Variants in R3HCC1 observed in about 807,000 individuals in gnomAD.
R3HCC1 encodes the protein R3H and coiled-coil domain-containing protein 1.
A neutral mutation model predicts 40.0 loss-of-function variants in R3HCC1; 32 were observed. The ratio of observed to expected loss-of-function variants is 0.80; its 90% CI spans 0.60 to 1.07. The LOEUF is 1.07. Ranked by LOEUF, R3HCC1 falls within the 50% of genes least tolerant of loss-of-function variation. The pLI, the probability that R3HCC1 is intolerant of heterozygous loss-of-function variation, is 0.00. For synonymous variants in R3HCC1, 237 were observed against 232.8 expected, an observed-to-expected ratio of 1.02 and a Z score of -0.17; for missense variants, 586 against 563.3, an observed-to-expected ratio of 1.04 and a Z score of -0.41.
chr8:23,291,835 C>G (rs925980929), intron 5 of R3HCC1, among the ~76,000 whole-genome samples: 1 of 152,236 alleles, frequency 6.6e-6, no homozygotes, highest in African/African-American at 2.4e-5. Flanking sequence ...AGGGACATGG[C>G]AGCCTCCTCT....
At position 23,295,560 on chromosome 8, in the gene R3HCC1, G is replaced by C. The variant is rs149657968; in HGVS notation, c.1193-407G>C. On this transcript the variant is annotated intron_variant, in intron 7 of 7. Transcript: ENST00000265806. Reference sequence around the variant, plus strand: ...GCCTGCCGAGGCCAGCTGTGCTCTCGTGGGTGGTTACGTAGCCAACATGGT... The same window carrying C: ...GCCTGCCGAGGCCAGCTGTGCTCTCCTGGGTGGTTACGTAGCCAACATGGT... The C allele has an allele frequency of 1.0e-3, 485 of 463,236 alleles. 2 individuals carry two copies. The highest frequency in any genetic ancestry group is 8.8e-3 in the African/African-American group (443 of 50,348). 28.7% of individuals were successfully genotyped at this position (463,236 alleles called of 1,614,324 possible). A position where few individuals can be genotyped will look rare whatever the true frequency, so the allele number is the denominator to read the frequency against.
chr8:23,296,223 C>T lies in R3HCC1; in HGVS notation c.*126C>T, dbSNP rs1803016874. On this transcript the variant is annotated 3_prime_UTR_variant, in exon 8 of 8. Coordinates refer to ENST00000265806, the MANE Select transcript of R3HCC1 (RefSeq NM_001136108.3). Reference sequence around the variant, plus strand: ...GAGCTTCACCATGGGGTGTGGTGGGCTTTAGTTTAGTCCCAGAAATGGAGA... The same window carrying T: ...GAGCTTCACCATGGGGTGTGGTGGGTTTTAGTTTAGTCCCAGAAATGGAGA... 1 of 1,147,894 alleles carries T rather than the reference C, an allele frequency of 8.7e-7. No individual in the cohort carries two copies. Among genetic ancestry groups the T allele is most frequent in the South Asian group, 1.9e-5 (1 of 53,308 alleles). 71.1% of individuals were successfully genotyped at this position (1,147,894 alleles called of 1,614,324 possible).
chr8:23,288,142 G>T lies in R3HCC1; in HGVS notation c.-34G>T. On this transcript the variant is annotated 5_prime_UTR_variant, in exon 1 of 8. Transcript: ENST00000265806. ...TGGGGACGCCGAGGGCGGCTGCGAC[G>T]CGCCGAGAGGCCGCGGTGAGTGCAG... The T allele has an allele frequency of 1.6e-6, 2 of 1,249,508 alleles. No homozygotes were observed. The highest frequency in any genetic ancestry group is 2.1e-6 in the Non-Finnish European group (2 of 972,262). The allele number at this position is 1,249,508 out of a possible 1,614,324, so 77.4% of individuals were successfully genotyped here.
At chr8:23,295,395 C>G (rs1173190024) in intron 7 of R3HCC1, 1 of 450,368 alleles carries the variant, frequency 2.2e-6, no homozygotes. Context: ...GCCTGGAGCC[C>G]TGAGGGCACA....
At chr8:23,291,924 C>A (rs972621019) in intron 5 of R3HCC1, among the ~76,000 whole-genome samples, 4 of 152,222 alleles carry the variant, frequency 2.6e-5, no homozygotes, top group Non-Finnish European at 1.5e-5. Flanking sequence ...GGAACTGTTT[C>A]TAGGGTGCAC....
At chr8:23,290,797 T>TG (rs1178619145) in intron 4 of R3HCC1, among the ~76,000 whole-genome samples, 1 of 152,214 alleles carries the variant, frequency 6.6e-6, no homozygotes, top group Admixed American at 6.5e-5. Flanking sequence ...CATCGTCTTG[T>TG]GTTACGGATG....
At position 23,290,318 on chromosome 8, in the gene R3HCC1, T is replaced by G. The variant is rs1227994327; in HGVS notation, c.701T>G (p.Phe234Cys). The G allele has an allele frequency of 6.4e-7, 1 of 1,551,552 alleles. No individual in the cohort carries two copies. The highest frequency in any genetic ancestry group is 8.7e-7 in the Non-Finnish European group (1 of 1,146,986). ...GACATGGTGGAGATGGCCACACGGTTTGGGTCCACCCTGCAGCTAGACCTG... is the reference window on the plus strand; with the variant it reads ...GACATGGTGGAGATGGCCACACGGTGTGGGTCCACCCTGCAGCTAGACCTG... The change falls in exon 4 of 8, where the codon TTT becomes TGT. Residue 234 changes from phenylalanine to cysteine, a missense_variant. Physicochemically the swap from Phe to Cys is radical, Grantham distance 205 (BLOSUM62 -2). Transcript: ENST00000265806.
intron 7 of R3HCC1, 41 bp downstream of exon 7, chr8:23,294,905 GTGTGTGTGCGTGCGAGCA>G (rs1802960778): frequency 2.2e-6 from 3 of 1,375,132 alleles, no homozygotes; most frequent in Non-Finnish European, 3.0e-6. Context: ...GGCTGTGTGT[GTGTGTGTGCGTGCGAGCA>G]TGTGTGTGTG....
At chr8:23,290,550 G>A in intron 4 of R3HCC1, 81 bp downstream of exon 4, 1 of 1,440,176 alleles carries the variant, frequency 6.9e-7, no homozygotes, top group Non-Finnish European at 9.2e-7. Flanking sequence ...CAAGGGTTAT[G>A]GTGTGGAGAG....
chr8:23,291,790 C>T (rs1470191543), intron 5 of R3HCC1, among the ~76,000 whole-genome samples: 9 of 152,384 alleles, frequency 5.9e-5, no homozygotes. Flanking sequence ...TGGCCACACG[C>T]CTGCCAGGAT....
rs892189342 is a variant in R3HCC1 at position 23,288,257 on chromosome 8, G to A, written c.-19+100G>A. ...GCGGAGCAGGCCCCCGTGAGCCCCGGGAAGGAGCGCAGCGCAGGGTGTGGA... is the reference window on the plus strand; with the variant it reads ...GCGGAGCAGGCCCCCGTGAGCCCCGAGAAGGAGCGCAGCGCAGGGTGTGGA... On this transcript the variant is annotated intron_variant, in intron 1 of 7. Coordinates refer to ENST00000265806, the MANE Select transcript of R3HCC1 (RefSeq NM_001136108.3). 19 of 1,169,146 alleles carry A rather than the reference G, an allele frequency of 1.6e-5. No individual in the cohort carries two copies. In the African/African-American group the frequency reaches 2.7e-4, roughly 16 times the overall value. The allele number at this position is 1,169,146 out of a possible 1,614,324, so 72.4% of individuals were successfully genotyped here.
At chr8:23,288,351 G>C (rs1802785980) in intron 1 of R3HCC1, 155 bp from the exon 2 acceptor site, 3 of 1,201,138 alleles carry the variant, frequency 2.5e-6, no homozygotes, top group Non-Finnish European at 3.4e-6. Flanking sequence ...CCCCTTCCCT[G>C]ACCCCTGACT....
At chr8:23,293,221 C>T (rs73673359) in intron 5 of R3HCC1, 82 bp from the exon 6 acceptor site, 39,898 of 1,167,562 alleles carry the variant, frequency 0.034, 1,004 homozygotes, top group African/African-American at 0.093. Flanking sequence ...GGGCTGGAGG[C>T]GAGGGGGTGT....
At chr8:23,292,448 A>C (rs911161444) in intron 5 of R3HCC1, among the ~76,000 whole-genome samples, 1 of 152,122 alleles carries the variant, frequency 6.6e-6, no homozygotes, top group Non-Finnish European at 1.5e-5. Context: ...CTCTACTAAA[A>C]ATACAAAAAA....
chr8:23,288,404 G>C, intron 1 of R3HCC1, 102 bp from the exon 2 acceptor site: 1 of 1,466,840 alleles, frequency 6.8e-7, no homozygotes, highest in Non-Finnish European at 9.1e-7. Context: ...CCGAGCCTTG[G>C]ACCAGAGGGT....
Position 23,296,046 on chromosome 8 carries a change from C to G in R3HCC1, c.1272C>G (p.Leu424=), listed in dbSNP as rs1387702206. 7 of 1,550,662 alleles carry G rather than the reference C, an allele frequency of 4.5e-6. No individual in the cohort carries two copies. The change falls in exon 8 of 8, where the codon CTC becomes CTG. Residue 424 remains leucine, a synonymous_variant. Coordinates refer to ENST00000265806, the MANE Select transcript of R3HCC1 (RefSeq NM_001136108.3). ...GGCTGGTGGCCCGGGCCCTGGGACT[C>G]CAACACAAAAAGAAAGAGCGGCCTG...
intron 5 of R3HCC1, 40 bp from the exon 6 acceptor site, chr8:23,293,259 CTGCT>C (rs72237352): frequency 0.38 from 569,318 of 1,515,968 alleles, 108,693 homozygotes; most frequent in East Asian, 0.55. Flanking sequence ...AGGAGTTTGA[CTGCT>C]TGCTTTCCTG....
chr8:23,293,155 A>G (rs528985789), intron 5 of R3HCC1, 148 bp from the exon 6 acceptor site: 2 of 604,282 alleles, frequency 3.3e-6, no homozygotes, highest in East Asian at 3.1e-5. Context: ...TTTGCTGCAA[A>G]TGATTGTCTC....
chr8:23,288,451 C>T, intron 1 of R3HCC1, 55 bp from the exon 2 acceptor site: 2 of 1,523,838 alleles, frequency 1.3e-6, no homozygotes, highest in Non-Finnish European at 1.8e-6. Context: ...TGCGGGGTCG[C>T]GGGAGATCCG....
Sources: gnomAD v4.1 joint callset for allele counts (sites outside exome capture counted in the v4.1 genomes callset) on GRCh38, gnomAD v4.1.1 for gene constraint, MANE v1.5 for transcripts, NCBI Gene and HGNC (gene_info 2026-07-23, HGNC 2026-07-21) for gene names.